The following LRRC4C variants were observed in gnomAD, a reference collection of about 807,000 sequenced individuals.
LRRC4C encodes leucine rich repeat containing 4C.
Under a neutral mutation model 33.6 loss-of-function variants are expected in LRRC4C, and 5 were observed. The ratio of observed to expected loss-of-function variants is 0.15; its 90% CI spans 0.08 to 0.31. The LOEUF is 0.31. Ranked by LOEUF, LRRC4C falls within the 10% of genes least tolerant of loss-of-function variation. The pLI is 1.00. For synonymous variants in LRRC4C, 329 were observed against 302.0 expected, an observed-to-expected ratio of 1.09 and a Z score of -0.93; for missense variants, 560 against 796.7, an observed-to-expected ratio of 0.70 and a Z score of 3.58.
At chr11:40,364,604 T>C (rs1347547275) in intron 3 of LRRC4C, among the ~76,000 whole-genome samples, 2 of 152,046 alleles carry the variant, frequency 1.3e-5, no homozygotes, top group Non-Finnish European at 2.9e-5. Flanking sequence ...GTCTCATATA[T>C]ATGTAAGGAT....
chr11:40,698,644 T>G (rs1945700504), intron 2 of LRRC4C, among the ~76,000 whole-genome samples: 1 of 152,156 alleles, frequency 6.6e-6, no homozygotes, highest in South Asian at 2.1e-4. Flanking sequence ...AAACAAATAC[T>G]TTATTAGTCC....
chr11:41,131,981 T>C (rs1259155179), intron 1 of LRRC4C, among the ~76,000 whole-genome samples: 1 of 152,174 alleles, frequency 6.6e-6, no homozygotes, highest in Admixed American at 6.6e-5. Context: ...AATCAAGAAA[T>C]AACTGTAAAT....
At chr11:40,223,385 A>C (rs998604391) in intron 5 of LRRC4C, among the ~76,000 whole-genome samples, 9 of 152,194 alleles carry the variant, frequency 5.9e-5, no homozygotes, top group African/African-American at 2.2e-4. Flanking sequence ...GACCTACAGC[A>C]AACGACAAAA....
At chr11:41,147,573 T>G (rs547848300) in intron 1 of LRRC4C, among the ~76,000 whole-genome samples, 1 of 152,344 alleles carries the variant, frequency 6.6e-6, no homozygotes, top group South Asian at 2.1e-4. Flanking sequence ...ATAATTTTTA[T>G]TGACAAATTA....
At chr11:40,633,287 C>T (rs1360682719) in intron 3 of LRRC4C, among the ~76,000 whole-genome samples, 2 of 150,558 alleles carry the variant, frequency 1.3e-5, no homozygotes, top group Admixed American at 6.6e-5. Flanking sequence ...TTTGCAATAA[C>T]AGGCCTTGAT....
chr11:40,865,942 C>A (rs1954343016), intron 2 of LRRC4C, among the ~76,000 whole-genome samples: 1 of 151,508 alleles, frequency 6.6e-6, no homozygotes, highest in Non-Finnish European at 1.5e-5. Flanking sequence ...AAAAAAAAAT[C>A]TGTAGATTTT....
chr11:40,558,093 C>T (rs1401603742), intron 3 of LRRC4C, among the ~76,000 whole-genome samples: 9 of 152,078 alleles, frequency 5.9e-5, no homozygotes, highest in South Asian at 2.1e-4. Flanking sequence ...TGAAAACTAA[C>T]GTAATTGTTT....
At chr11:40,966,076 G>T (rs1851338512) in intron 1 of LRRC4C, among the ~76,000 whole-genome samples, 1 of 151,908 alleles carries the variant, frequency 6.6e-6, no homozygotes, top group Non-Finnish European at 1.5e-5. Context: ...CCTTGAAGAG[G>T]TCCTTCACAT....
chr11:41,060,431 C>G (rs747510827), intron 1 of LRRC4C, among the ~76,000 whole-genome samples: 7 of 152,188 alleles, frequency 4.6e-5, no homozygotes, highest in Non-Finnish European at 7.3e-5. Context: ...AACCTATGAT[C>G]ATAGTGGTGG....
chr11:40,300,168 G>A (rs959185141), intron 4 of LRRC4C, among the ~76,000 whole-genome samples: 7 of 152,060 alleles, frequency 4.6e-5, no homozygotes, highest in African/African-American at 9.7e-5. Context: ...ACTCACTAAC[G>A]TGAGGAGAGT....
At chr11:41,385,656 GA>G (rs1007323764) in intron 1 of LRRC4C, among the ~76,000 whole-genome samples, 16 of 151,306 alleles carry the variant, frequency 1.1e-4, no homozygotes, top group South Asian at 2.1e-4. Flanking sequence ...TGCATGAGCA[GA>G]AAATTTTAAA....
chr11:40,408,993 C>G (rs1484928511), intron 3 of LRRC4C, among the ~76,000 whole-genome samples: 1 of 151,892 alleles, frequency 6.6e-6, no homozygotes, highest in African/African-American at 2.4e-5. Context: ...CATCCCACTA[C>G]CTGACTTTAA....
chr11:41,083,868 T>A (rs1939762286), intron 1 of LRRC4C, among the ~76,000 whole-genome samples: 1 of 152,170 alleles, frequency 6.6e-6, no homozygotes, highest in Non-Finnish European at 1.5e-5. Context: ...AAATAATAAG[T>A]ACTTTTTTGG....
At chr11:40,440,608 C>T (rs1219410936) in intron 3 of LRRC4C, among the ~76,000 whole-genome samples, 1 of 152,124 alleles carries the variant, frequency 6.6e-6, no homozygotes, top group Admixed American at 6.6e-5. Context: ...AATCCACTTG[C>T]TTCACTTTTT....
intron 3 of LRRC4C, among the ~76,000 whole-genome samples, chr11:40,549,029 A>G (rs1012248660): frequency 1.3e-5 from 2 of 152,150 alleles, no homozygotes; most frequent in Non-Finnish European, 2.9e-5. Flanking sequence ...GGTTCATATT[A>G]AAATCCAAAT....
intron 3 of LRRC4C, among the ~76,000 whole-genome samples, chr11:40,441,120 G>A (rs565294031): frequency 1.3e-5 from 2 of 152,260 alleles, no homozygotes; most frequent in South Asian, 2.1e-4. Context: ...TTTGATGTCA[G>A]TGTAGTCTTC....
At chr11:40,495,810 C>T (rs1243159905) in intron 3 of LRRC4C, among the ~76,000 whole-genome samples, 4 of 55,070 alleles carry the variant, frequency 7.3e-5, no homozygotes, top group Non-Finnish European at 1.6e-4. Flanking sequence ...TCTCAATAAA[C>T]ATGTTTTTTT....
chr11:40,356,287 G>A (rs2137125385), intron 3 of LRRC4C, among the ~76,000 whole-genome samples: 1 of 152,188 alleles, frequency 6.6e-6, no homozygotes, highest in Admixed American at 6.5e-5. Context: ...GTCAGAATGA[G>A]CCAGCTCCAG....
intron 1 of LRRC4C, among the ~76,000 whole-genome samples, chr11:41,154,757 C>T (rs1050361103): frequency 1.3e-5 from 2 of 152,170 alleles, no homozygotes; most frequent in South Asian, 2.1e-4. Context: ...CACAATTGCA[C>T]GACATACTTT....
Sources: gnomAD v4.1 joint callset for allele counts (sites outside exome capture counted in the v4.1 genomes callset) on GRCh38, gnomAD v4.1.1 for gene constraint, MANE v1.5 for transcripts, NCBI Gene and HGNC (gene_info 2026-07-23, HGNC 2026-07-21) for gene names.